ANO1: variants seen among roughly 807,000 people sequenced by gnomAD.
ANO1 encodes anoctamin-1.
ANO1 carries 59 observed loss-of-function variants against 124.0 expected under a neutral mutation model. The observed-to-expected ratio is 0.48, with a 90% CI of 0.39 to 0.59. ANO1 has a LOEUF of 0.59. Among genes scored for constraint, ANO1 ranks in the 20% least tolerant of loss-of-function variants. The probability of loss-of-function intolerance (pLI) is 0.00; values close to 1 mark genes in which losing one functional copy is unlikely to be tolerated. For synonymous variants in ANO1, 529 were observed against 532.0 expected (o/e 0.99, Z 0.08); for missense variants, 1,059 against 1,328.0 (o/e 0.80, Z 3.15).
chr11:69,966,645 G>A, the ANO1 span, among the ~76,000 whole-genome samples: 2 of 152,188 alleles, frequency 1.3e-5, no homozygotes, highest in African/African-American at 2.4e-5. Context: ...TCTGCTGGCA[G>A]GTAAGGATGG....
At chr11:69,986,534 G>C (rs1856045693) in intron 1 of ANO1, among the ~76,000 whole-genome samples, 1 of 152,174 alleles carries the variant, frequency 6.6e-6, no homozygotes, top group African/African-American at 2.4e-5. Context: ...TCTTGCAGCG[G>C]ATACGAGGTT....
chr11:70,144,865 G>A (rs184233589), intron 11 of ANO1, among the ~76,000 whole-genome samples: 27 of 152,336 alleles, frequency 1.8e-4, no homozygotes, highest in African/African-American at 5.8e-4. Flanking sequence ...GTCCCCTGAC[G>A]TCTCAGAACC....
intron 4 of ANO1, among the ~76,000 whole-genome samples, chr11:70,105,359 G>A (rs545653512): frequency 1.3e-3 from 198 of 152,258 alleles, no homozygotes; most frequent in South Asian, 2.5e-3. Flanking sequence ...TGATGGTGGC[G>A]GTGATACTGC....
intron 8 of ANO1, among the ~76,000 whole-genome samples, chr11:70,116,894 T>C (rs1423112339): frequency 2.6e-5 from 4 of 152,050 alleles, no homozygotes; most frequent in Admixed American, 1.3e-4. Context: ...GCAAATAAAC[T>C]TGGGAACCAC....
chr11:70,149,971 C>T (rs780096876), intron 12 of ANO1, 179 bp downstream of exon 12: 22 of 707,176 alleles, frequency 3.1e-5, no homozygotes, highest in African/African-American at 8.7e-5. Flanking sequence ...CCTGGCGTTC[C>T]GAACACCCTC....
intron 1 of ANO1, among the ~76,000 whole-genome samples, chr11:70,026,343 T>G (rs987471973): frequency 1.3e-5 from 2 of 151,286 alleles, no homozygotes; most frequent in Non-Finnish European, 2.9e-5. Context: ...GTGGTGGTGG[T>G]GGTGGTGACG....
At chr11:70,069,202 A>AGG (rs1482181338) in intron 1 of ANO1, among the ~76,000 whole-genome samples, 1 of 152,202 alleles carries the variant, frequency 6.6e-6, no homozygotes, top group Non-Finnish European at 1.5e-5. Flanking sequence ...GACCAAGGAA[A>AGG]GGGTCCGCTT....
At chr11:70,060,667 C>A (rs561271422) in intron 1 of ANO1, among the ~76,000 whole-genome samples, 1 of 152,158 alleles carries the variant, frequency 6.6e-6, no homozygotes, top group African/African-American at 2.4e-5. Flanking sequence ...TGGAGCATAG[C>A]CTGTGATTTT....
intron 14 of ANO1, among the ~76,000 whole-genome samples, chr11:70,155,122 A>T (rs1259980332): frequency 6.6e-6 from 1 of 152,226 alleles, no homozygotes; most frequent in East Asian, 1.9e-4. Context: ...CACCTCTTGC[A>T]GTGAGCATAG....
At chr11:69,977,229 T>A in the ANO1 span, among the ~76,000 whole-genome samples, 1 of 152,048 alleles carries the variant, frequency 6.6e-6, no homozygotes, top group Admixed American at 6.6e-5. Context: ...CCCTAGCGAG[T>A]CCGGTTCTGT....
At chr11:70,124,727 G>T (rs1252765260) in intron 9 of ANO1, among the ~76,000 whole-genome samples, 2 of 152,142 alleles carry the variant, frequency 1.3e-5, no homozygotes, top group South Asian at 2.1e-4. Flanking sequence ...GGAGGGGAAG[G>T]AAAGAGCTGC....
At chr11:70,041,479 A>C (rs573518440) in intron 1 of ANO1, among the ~76,000 whole-genome samples, 1 of 152,356 alleles carries the variant, frequency 6.6e-6, no homozygotes, top group South Asian at 2.1e-4. Context: ...CTCTAGACTC[A>C]CACACACATT....
At chr11:70,043,429 TA>T (rs1210533875) in intron 1 of ANO1, among the ~76,000 whole-genome samples, 2 of 152,114 alleles carry the variant, frequency 1.3e-5, no homozygotes, top group Non-Finnish European at 2.9e-5. Flanking sequence ...GAAAAAGTGA[TA>T]AAAAACTTTC....
intron 1 of ANO1, among the ~76,000 whole-genome samples, chr11:69,988,508 T>G (rs1301155102): frequency 6.6e-6 from 1 of 152,236 alleles, no homozygotes; most frequent in Non-Finnish European, 1.5e-5. Flanking sequence ...TTGTCATCAA[T>G]GTCATCACTG....
intron 5 of ANO1, among the ~76,000 whole-genome samples, chr11:70,107,490 C>CCGGGGGGGGGG (rs1555023213): frequency 1.6e-5 from 1 of 64,488 alleles, no homozygotes; most frequent in Non-Finnish European, 3.4e-5. Context: ...CCAGTGGAGG[C>CCGGGGGGGGGG]GGCGGGGCGG....
rs201994888 is a variant in ANO1 at position 70,167,307 on chromosome 11, G to C, written c.2117G>C (p.Cys706Ser). 6.8e-6 allele frequency: 11 copies of C among 1,613,996 alleles called. 1 individual carries two copies. In the South Asian group the frequency reaches 1.2e-4, roughly 18 times the overall value. ...KQQSPPDHEE[C>S]VKRKQRYEVD... ...CAGAGCCCCCCTGACCACGAGGAGT[G>C]TGTGAAGAGGAAACAGCGGTACGAG... The change falls in exon 21 of 26, where the codon TGT becomes TCT. Residue 706 changes from cysteine (C) to serine (S), a missense_variant. Around this residue, in one of 2 missense-constraint regions of ANO1, gnomAD observed 809 missense variants for 1,094.9 expected, o/e 0.74. Transcript: ENST00000355303.
At chr11:70,076,406 C>A (rs1555010008), upstream of ANO1, among the ~76,000 whole-genome samples, 1 of 152,024 alleles carries the variant, frequency 6.6e-6, no homozygotes, top group African/African-American at 2.4e-5. Flanking sequence ...ACCAGTGTGT[C>A]CAGATTTGGC....
chr11:70,102,472 G>A (rs1049541479), intron 2 of ANO1, among the ~76,000 whole-genome samples: 9 of 152,318 alleles, frequency 5.9e-5, no homozygotes, highest in African/African-American at 1.7e-4. Flanking sequence ...ACTTGAACTC[G>A]GGCCTGCCTT....
In ANO1 at chr11:70,159,310, T is replaced by C. The variant is rs374928560; in HGVS notation, c.1579-1851T>C. ...TTTCGCAGAAGACCCACCACACCTCTGCTTGCATCTCATTGGTCAGAACTG... is the reference window on the plus strand; with the variant it reads ...TTTCGCAGAAGACCCACCACACCTCCGCTTGCATCTCATTGGTCAGAACTG... On this transcript the variant is annotated intron_variant, in intron 16 of 25. Transcript: ENST00000355303. Among the ~76,000 whole-genome samples, 8 of 152,290 alleles carry C rather than the reference T, an allele frequency of 5.3e-5. No individual in the cohort carries two copies. The East Asian group carries it at 9.7e-4, about 18-fold the overall frequency.
Sources: allele counts gnomAD v4.1 joint callset (sites outside exome capture counted in the v4.1 genomes callset), GRCh38; gene constraint gnomAD v4.1.1; regional missense constraint gnomAD v4.1.1; transcripts MANE v1.5; gene names NCBI Gene and HGNC (gene_info 2026-07-23, HGNC 2026-07-21).